The following SVIL variants were observed in gnomAD, a reference collection of about 807,000 sequenced individuals.
SVIL encodes archvillin.
In SVIL, 101 loss-of-function variants were observed where a neutral mutation model predicts 240.4. That is an observed-to-expected ratio of 0.42 (90% CI 0.36 to 0.50). The LOEUF is 0.50. Ranked by LOEUF, SVIL falls within the 20% of genes least tolerant of loss-of-function variation. The probability of loss-of-function intolerance (pLI) is 0.01; values close to 1 mark genes in which losing one functional copy is unlikely to be tolerated. For missense variants in SVIL, 2,512 were observed against 2,818.7 expected (o/e 0.89, Z 2.46); for synonymous variants, 999 against 1,100.0 (o/e 0.91, Z 1.82).
At chr10:29,508,243 G>A in intron 17 of SVIL, 1 of 661,500 alleles carries the variant, frequency 1.5e-6, no homozygotes, top group South Asian at 1.5e-5. Flanking sequence ...AAAAGCACCA[G>A]GGAGGGTGCA....
intron 3 of SVIL, among the ~76,000 whole-genome samples, chr10:29,562,692 C>T (rs376374887): frequency 2.8e-5 from 4 of 141,852 alleles, no homozygotes; most frequent in African/African-American, 7.8e-5. Flanking sequence ...ACCTGGGAGG[C>T]GGAAGTTGCG....
At chr10:29,733,596 C>A (rs1165655865) in intron 1 of SVIL, among the ~76,000 whole-genome samples, 1 of 152,226 alleles carries the variant, frequency 6.6e-6, no homozygotes, top group Admixed American at 6.5e-5. Context: ...TGAGGCACGG[C>A]ACCTGGCCTT....
intron 1 of SVIL, among the ~76,000 whole-genome samples, chr10:29,626,898 C>G (rs1957894030): frequency 1.3e-5 from 2 of 152,062 alleles, no homozygotes; most frequent in African/African-American, 2.4e-5. Flanking sequence ...GTGGCGGGCG[C>G]CTGTAGTTCC....
intron 1 of SVIL, among the ~76,000 whole-genome samples, chr10:29,599,917 G>A (rs1157401958): frequency 6.6e-6 from 1 of 152,054 alleles, no homozygotes; most frequent in African/African-American, 2.4e-5. Flanking sequence ...CCTAATGGAA[G>A]AGTTAGAGGT....
intron 1 of SVIL, among the ~76,000 whole-genome samples, chr10:29,627,176 A>T (rs909496404): frequency 6.6e-6 from 1 of 152,196 alleles, no homozygotes; most frequent in Non-Finnish European, 1.5e-5. Flanking sequence ...TTTAAAAAAG[A>T]TCTTCTTTCT....
At chr10:29,558,372 A>G (rs969157488) in intron 3 of SVIL, among the ~76,000 whole-genome samples, 5 of 152,192 alleles carry the variant, frequency 3.3e-5, no homozygotes, top group Non-Finnish European at 7.3e-5. Flanking sequence ...CCTAGTGAAA[A>G]TCTATAGTGA....
intron 12 of SVIL, among the ~76,000 whole-genome samples, chr10:29,527,596 T>G (rs1024299959): frequency 3.3e-5 from 5 of 151,278 alleles, no homozygotes; most frequent in African/African-American, 1.2e-4. Context: ...CCAGTTAATT[T>G]TTGTATTTTT....
chr10:29,539,246 T>C (rs1324279776), intron 6 of SVIL, among the ~76,000 whole-genome samples: 1 of 152,220 alleles, frequency 6.6e-6, no homozygotes, highest in Non-Finnish European at 1.5e-5. Context: ...AATAAGCCTT[T>C]TAAATGCTTT....
At chr10:29,688,621 A>G (rs1961272170) in intron 1 of SVIL, among the ~76,000 whole-genome samples, 2 of 152,180 alleles carry the variant, frequency 1.3e-5, no homozygotes, top group Non-Finnish European at 2.9e-5. Flanking sequence ...ACTGAAATGC[A>G]CACAGAACTG....
At chr10:29,665,922 C>G in intron 2 of SVIL, among the ~76,000 whole-genome samples, 1 of 152,272 alleles carries the variant, frequency 6.6e-6, no homozygotes, top group Admixed American at 6.5e-5. Context: ...ACCCCCATAA[C>G]GGGGGAAAAA....
At chr10:29,460,456 G>C (rs1288156820) in intron 36 of SVIL, among the ~76,000 whole-genome samples, 1 of 152,156 alleles carries the variant, frequency 6.6e-6, no homozygotes, top group Non-Finnish European at 1.5e-5. Flanking sequence ...AGGATGGTGA[G>C]TTATATCCTT....
intron 1 of SVIL, among the ~76,000 whole-genome samples, chr10:29,571,047 C>T (rs1009691498): frequency 3.3e-5 from 5 of 152,194 alleles, no homozygotes; most frequent in African/African-American, 4.8e-5. Flanking sequence ...ACAGACGGCT[C>T]GGTCACACAG....
intron 6 of SVIL, among the ~76,000 whole-genome samples, chr10:29,549,917 A>G: frequency 2.2e-5 from 3 of 139,106 alleles, no homozygotes; most frequent in Non-Finnish European, 3.1e-5. Flanking sequence ...GATATACCTA[A>G]TGCTAGATGA....
At chr10:29,664,578 G>A (rs941369833) in intron 2 of SVIL, among the ~76,000 whole-genome samples, 2 of 151,818 alleles carry the variant, frequency 1.3e-5, no homozygotes, top group Non-Finnish European at 2.9e-5. Context: ...AATAATAACT[G>A]TTGTTATTTG....
rs1239685391 is a variant in SVIL at position 29,523,879 on chromosome 10, G to A, written c.2735C>T (p.Ser912Phe). Reference sequence around the variant, plus strand: ...AGAGTCCGAATTTTCTATTGAAGAAGAAAACTTATAGTCAGTGGCACTTGC... The same window carrying A: ...AGAGTCCGAATTTTCTATTGAAGAAAAAAACTTATAGTCAGTGGCACTTGC... Reference protein sequence around the residue: ...HNASATDYKFSSSIENSDSPV... With the variant: ...HNASATDYKFFSSIENSDSPV... The change falls in exon 15 of 38, where the codon TCT becomes TTT. Residue 912 changes from serine (S) to phenylalanine (F), a missense_variant. By Grantham distance (155) the Ser-to-Phe change is radical (BLOSUM62 -2). This residue lies in a region of SVIL where 1,443 missense variants were observed against 1,486.6 expected (regional missense o/e 0.97). Transcript: ENST00000355867. 1 of 1,614,202 alleles carries A rather than the reference G, an allele frequency of 6.2e-7. No homozygotes were observed. Among genetic ancestry groups the A allele is most frequent in the Admixed American group, 1.7e-5 (1 of 60,022 alleles).
chr10:29,666,754 G>A (rs1039172517), intron 2 of SVIL, among the ~76,000 whole-genome samples: 5 of 152,164 alleles, frequency 3.3e-5, no homozygotes, highest in Non-Finnish European at 4.4e-5. Flanking sequence ...TAAGTAGAAG[G>A]GATTGGAACA....
intron 2 of SVIL, among the ~76,000 whole-genome samples, chr10:29,566,743 G>A (rs1954997489): frequency 6.6e-6 from 1 of 150,778 alleles, no homozygotes; most frequent in Non-Finnish European, 1.5e-5. Flanking sequence ...TGACTCAGAG[G>A]CCCCCCAGCG....
At chr10:29,635,657 A>G (rs1488703410), upstream of SVIL, among the ~76,000 whole-genome samples, 2 of 152,214 alleles carry the variant, frequency 1.3e-5, no homozygotes, top group Admixed American at 6.5e-5. Context: ...TTAAATGGCC[A>G]TATGCATTTT....
In SVIL at chr10:29,493,387, G is replaced by T; in HGVS notation, c.3846C>A (p.Gly1282=). 1 of 1,613,738 alleles carries T rather than the reference G, an allele frequency of 6.2e-7. No homozygotes were observed. Among genetic ancestry groups the T allele is most frequent in the Non-Finnish European group, 8.5e-7 (1 of 1,179,824 alleles). ...TFLRRLNNKV[G]GMHETVLTVT... is the part of the protein sequence containing the mutation. ...CAGTGAGCACCGTTTCGTGCATCCC[G>T]CCAACTATCAACAAACAAGCAAAAG... Residue 1282 remains glycine (G), a synonymous_variant, in exon 21 of 38, where the codon GGC becomes GGA. Coordinates refer to ENST00000355867, the MANE Select transcript of SVIL (RefSeq NM_021738.3).
Sources: allele counts gnomAD v4.1 joint callset (sites outside exome capture counted in the v4.1 genomes callset), GRCh38; gene constraint gnomAD v4.1.1; regional missense constraint gnomAD v4.1.1; transcripts MANE v1.5; gene names NCBI Gene and HGNC (gene_info 2026-07-23, HGNC 2026-07-21).